Variants in PARD3 observed in about 807,000 individuals in gnomAD.
The protein encoded by PARD3 is partitioning defective 3 homolog.
Under a neutral mutation model 155.4 loss-of-function variants are expected in PARD3, and 75 were observed. That is an observed-to-expected ratio of 0.48 (90% CI 0.40 to 0.58). The LOEUF (loss-of-function observed/expected upper bound fraction) is 0.58. Ranked by LOEUF, PARD3 falls within the 20% of genes least tolerant of loss-of-function variation. The probability of loss-of-function intolerance (pLI) is 0.00; values close to 1 mark genes in which losing one functional copy is unlikely to be tolerated. For missense variants in PARD3, 1,642 were observed against 1,721.7 expected (o/e 0.95, Z 0.82); for synonymous variants, 576 against 610.5 (o/e 0.94, Z 0.83).
chr10:34,362,494 G>A (rs557417153), intron 12 of PARD3, among the ~76,000 whole-genome samples: 29 of 152,138 alleles, frequency 1.9e-4, no homozygotes, highest in African/African-American at 6.5e-4. Flanking sequence ...CAAAACAAGT[G>A]TTTTTGTTGT....
chr10:34,650,774 G>A (rs2092985994), intron 2 of PARD3, among the ~76,000 whole-genome samples: 1 of 152,098 alleles, frequency 6.6e-6, no homozygotes, highest in Non-Finnish European at 1.5e-5. Context: ...CACTTTGGGA[G>A]GCCGAGGTGG....
intron 1 of PARD3, among the ~76,000 whole-genome samples, chr10:34,755,144 G>A (rs1056949394): frequency 5.9e-5 from 9 of 151,668 alleles, no homozygotes; most frequent in African/African-American, 2.2e-4. Context: ...GCTCATGCCT[G>A]TGATCCCAGC....
intron 2 of PARD3, among the ~76,000 whole-genome samples, chr10:34,591,671 T>C (rs2088697322): frequency 6.6e-6 from 1 of 152,064 alleles, no homozygotes; most frequent in African/African-American, 2.4e-5. Context: ...GAATTCCCAG[T>C]GGGGAAACAG....
At chr10:34,491,564 A>AT (rs1013808561) in intron 3 of PARD3, among the ~76,000 whole-genome samples, 14 of 152,178 alleles carry the variant, frequency 9.2e-5, no homozygotes, top group African/African-American at 2.7e-4. Flanking sequence ...TTACAGAAGC[A>AT]TTTTTTTATT....
intron 20 of PARD3, among the ~76,000 whole-genome samples, chr10:34,314,100 C>T (rs1957854169): frequency 6.6e-6 from 1 of 151,840 alleles, no homozygotes; most frequent in African/African-American, 2.4e-5. Flanking sequence ...AGCAGCACTG[C>T]TAAGGAAACC....
chr10:34,412,973 G>C (rs1845242415), intron 5 of PARD3, among the ~76,000 whole-genome samples: 1 of 151,892 alleles, frequency 6.6e-6, no homozygotes, highest in Admixed American at 6.6e-5. Flanking sequence ...GGTCACACTG[G>C]GGGATCAGAA....
intron 3 of PARD3, among the ~76,000 whole-genome samples, chr10:34,501,949 T>C (rs2080742370): frequency 6.6e-6 from 1 of 152,154 alleles, no homozygotes; most frequent in South Asian, 2.1e-4. Flanking sequence ...TCCTCATGAC[T>C]TGGATTAGTG....
intron 22 of PARD3, among the ~76,000 whole-genome samples, chr10:34,157,812 C>T (rs1274479): frequency 0.29 from 44,113 of 152,000 alleles, 6,657 homozygotes; most frequent in African/African-American, 0.31. Flanking sequence ...ACAAAACAAG[C>T]ATAATACTGT....
intron 22 of PARD3, among the ~76,000 whole-genome samples, chr10:34,161,516 T>C (rs963225303): frequency 9.9e-5 from 15 of 151,906 alleles, no homozygotes; most frequent in Non-Finnish European, 1.3e-4. Context: ...ATAACCAAAC[T>C]GGCCAAGACT....
At chr10:34,251,227 C>G (rs889685225) in intron 22 of PARD3, among the ~76,000 whole-genome samples, 18 of 152,148 alleles carry the variant, frequency 1.2e-4, no homozygotes, top group Non-Finnish European at 2.4e-4. Context: ...GGTGTTTACA[C>G]ATAAAAGATG....
At position 34,331,148 on chromosome 10, in the gene PARD3, C is replaced by A. The variant is rs758182131; in HGVS notation, c.2802G>T (p.Ala934=). 1.2e-6 allele frequency: 2 copies of A among 1,613,708 alleles called. No homozygotes were observed. The highest frequency in any genetic ancestry group is 8.5e-7 in the Non-Finnish European group (1 of 1,179,816). Residue 934 remains alanine (A), a synonymous_variant, in exon 19 of 25, where the codon GCG becomes GCT. Coordinates refer to ENST00000374788, the MANE Select transcript of PARD3 (RefSeq NM_001184785.2). ...CCATGCCTTCATCATCATCATCTAC[C>A]GCGGGTTTATCATAAGATTTGTCGA... The part of the protein sequence containing the change: ...AAIDKSYDKP[A]VDDDDEGMET...
At chr10:34,372,574 CA>C (rs1333853423) in intron 11 of PARD3, 38 bp from the exon 12 acceptor site, 1 of 1,486,388 alleles carries the variant, frequency 6.7e-7, no homozygotes, top group Admixed American at 1.7e-5. Context: ...ACAGACTGAC[CA>C]AAGCCATCTT....
chr10:34,573,708 AAAAC>A (rs147826859), intron 2 of PARD3, among the ~76,000 whole-genome samples: 16,766 of 126,560 alleles, frequency 0.13, 1,571 homozygotes, highest in East Asian at 0.22. Context: ...CTCCGTCTCA[AAAAC>A]AAACAAACAA....
At chr10:34,677,017 T>C (rs1430844564) in intron 2 of PARD3, among the ~76,000 whole-genome samples, 2 of 152,228 alleles carry the variant, frequency 1.3e-5, no homozygotes, top group South Asian at 2.1e-4. Context: ...GAAGAAAATA[T>C]CACATCGAAG....
intron 20 of PARD3, among the ~76,000 whole-genome samples, chr10:34,307,453 A>G (rs1957468963): frequency 6.6e-6 from 1 of 152,166 alleles, no homozygotes; most frequent in South Asian, 2.1e-4. Context: ...GCACACAGGA[A>G]TCCCCAGGGT....
intron 1 of PARD3, among the ~76,000 whole-genome samples, chr10:34,697,766 A>AACACGCACACACACACACACAC (rs377094946): frequency 4.1e-5 from 6 of 146,428 alleles, no homozygotes; most frequent in Non-Finnish European, 7.4e-5. Flanking sequence ...TTGTAAAACA[A>AACACGCACACACACACACACAC]ACACTCACAC....
rs566942438 is a variant in PARD3, at chr10:34,305,624, C to T, written c.3065+11483G>A. ...CTCAGCCTGAAAACAGGGAATTTCC[C>T]AACATGGAATGTTTAATCTGGTAAT... is the stretch of plus-strand genomic sequence containing the variant. On this transcript the variant is annotated intron_variant, in intron 20 of 24. Transcript: ENST00000374788. 5.9e-5 allele frequency among the ~76,000 whole-genome samples: 9 copies of T among 152,340 alleles called. No homozygotes were observed. In the South Asian group the frequency reaches 1.9e-3, roughly 32 times the overall value.
chr10:34,269,148 G>C (rs1207083954), intron 22 of PARD3, among the ~76,000 whole-genome samples: 1 of 152,054 alleles, frequency 6.6e-6, no homozygotes, highest in African/African-American at 2.4e-5. Context: ...ATTTAGACCT[G>C]TGGTCTGTGG....
chr10:34,307,829 G>A (rs186643311), intron 20 of PARD3, among the ~76,000 whole-genome samples: 1 of 152,234 alleles, frequency 6.6e-6, no homozygotes, highest in East Asian at 1.9e-4. Flanking sequence ...GGGAAAAATG[G>A]GTTAACATTC....
Sources: gnomAD v4.1 joint callset for allele counts (sites outside exome capture counted in the v4.1 genomes callset) on GRCh38, gnomAD v4.1.1 for gene constraint, MANE v1.5 for transcripts, NCBI Gene and HGNC (gene_info 2026-07-23, HGNC 2026-07-21) for gene names.